SIK3: variants seen among roughly 807,000 people sequenced by gnomAD.
SIK3 encodes the protein serine/threonine-protein kinase SIK3.
A neutral mutation model predicts 144.2 loss-of-function variants in SIK3; 28 were observed. The observed-to-expected ratio is 0.19, with a 90% CI of 0.14 to 0.27. SIK3 has a LOEUF of 0.27. Ranked by LOEUF, SIK3 falls within the 10% of genes least tolerant of loss-of-function variation. The pLI is 1.00. For synonymous variants in SIK3, 686 were observed against 676.3 expected (o/e 1.01, Z -0.22); for missense variants, 1,319 against 1,776.0 (o/e 0.74, Z 4.62).
At chr11:116,917,822 AGAAG>A (rs1489991157) in intron 4 of SIK3, among the ~76,000 whole-genome samples, 21 of 141,884 alleles carry the variant, frequency 1.5e-4, no homozygotes, top group African/African-American at 5.1e-4. Context: ...AGAAGGAAGA[AGAAG>A]GAAGGAAAGG....
At chr11:116,943,182 G>GA (rs34406972) in intron 3 of SIK3, among the ~76,000 whole-genome samples, 245 of 149,410 alleles carry the variant, frequency 1.6e-3, no homozygotes, top group African/African-American at 5.0e-3. Flanking sequence ...ACTTAGAAAT[G>GA]AAAAAAAAAA....
At chr11:116,944,714 G>A (rs1187585706) in intron 3 of SIK3, among the ~76,000 whole-genome samples, 3 of 152,194 alleles carry the variant, frequency 2.0e-5, no homozygotes, top group African/African-American at 7.2e-5. Context: ...CAAACCGGGA[G>A]TATATTAGCT....
rs11216163 is a variant in SIK3, at chr11:116,858,027, G to C, written c.3438C>G (p.Asp1146Glu). ...ALMHSESMEE[D>E]CSCEGAKDGF... ...CATCCTTGGCCCCCTCACACGAGCA[G>C]TCCTCCTCCATGCTCTCTGAATGCA... Residue 1146 changes from aspartate (D) to glutamate (E), a missense_variant, in exon 21 of 25, where the codon GAC (aspartate) becomes GAG (glutamate). Physicochemically the swap from Asp to Glu is conservative, Grantham distance 45. This residue lies in a region of SIK3 where 646 missense variants were observed against 763.7 expected (regional missense o/e 0.85). Coordinates refer to ENST00000445177, the MANE Select transcript of SIK3 (RefSeq NM_001366686.3). The surrounding 1 kb of genome is among the most constrained non-coding windows in gnomAD (Gnocchi z 5.4). The C allele has an allele frequency of 3.2e-4, 524 of 1,613,982 alleles. 6 individuals carry two copies. In the East Asian group the frequency reaches 1.0e-2, roughly 31 times the overall value.
At chr11:116,870,077 A>C (rs1467636728) in intron 14 of SIK3, 8 of 1,450,578 alleles carry the variant, frequency 5.5e-6, no homozygotes, top group African/African-American at 1.4e-5. Context: ...AGGAAGAAGG[A>C]GGGAGGAAAG....
At chr11:117,033,528 C>T (rs1476450591) in intron 1 of SIK3, among the ~76,000 whole-genome samples, 2 of 151,700 alleles carry the variant, frequency 1.3e-5, no homozygotes, top group South Asian at 4.2e-4. Context: ...AGTGAAACCT[C>T]GTCTCTACTA....
intron 1 of SIK3, chr11:117,016,096 C>T (rs1229675973): frequency 6.6e-6 from 1 of 151,882 alleles, no homozygotes; most frequent in Non-Finnish European, 1.5e-5. Context: ...GAGGCCAAGG[C>T]AGATAGATCA....
At chr11:116,917,049 G>T (rs1363056599) in intron 4 of SIK3, among the ~76,000 whole-genome samples, 2 of 151,912 alleles carry the variant, frequency 1.3e-5, no homozygotes, top group African/African-American at 4.8e-5. Flanking sequence ...CAACCTCTGC[G>T]GCTCAAGCGA....
rs146625540 is a variant in SIK3 at position 117,006,668 on chromosome 11, A to G, written c.274-49604T>C. On this transcript the variant is annotated intron_variant, in intron 1 of 24. Transcript: ENST00000445177. ...AAAAAAGAAAGAAAGAAAGAAAAAAAAGATCTTCACAAACAATTTTAAATG... is the reference window on the plus strand; with the variant it reads ...AAAAAAGAAAGAAAGAAAGAAAAAAGAGATCTTCACAAACAATTTTAAATG... Among the ~76,000 whole-genome samples the G allele has an allele frequency of 3.5e-4, 54 of 152,194 alleles. 1 individual carries two copies. Among genetic ancestry groups the G allele is most frequent in the African/African-American group, 1.3e-3 (53 of 41,530 alleles).
chr11:116,947,531 A>ATATGTATGTATGTATGTATG (rs748760831), intron 3 of SIK3, among the ~76,000 whole-genome samples: 2 of 125,022 alleles, frequency 1.6e-5, no homozygotes, highest in African/African-American at 6.0e-5. Context: ...ATATATATAT[A>ATATGTATGTATGTATGTATG]TATGTATGTA....
At chr11:117,068,591 T>C (rs914187971) in intron 1 of SIK3, among the ~76,000 whole-genome samples, 13 of 152,060 alleles carry the variant, frequency 8.5e-5, no homozygotes, top group African/African-American at 3.1e-4. Context: ...TCTAAAGTAA[T>C]ACAAAAATTA....
At chr11:117,081,616 T>G (rs74459720) in intron 1 of SIK3, among the ~76,000 whole-genome samples, 1 of 152,166 alleles carries the variant, frequency 6.6e-6, no homozygotes, top group East Asian at 1.9e-4. Context: ...AGAGCGAGAC[T>G]CCGTCTCAAA....
chr11:117,098,279 C>CCGGCCGCAGGGGACA lies in SIK3; in HGVS notation c.122_136dup (p.Val41_Ala45dup). 1 of 1,346,682 alleles carries CCGGCCGCAGGGGACA rather than the reference C, an allele frequency of 7.4e-7. No individual in the cohort carries two copies. The highest frequency in any genetic ancestry group is 9.6e-7 in the Non-Finnish European group (1 of 1,039,130). 83.4% of individuals were successfully genotyped at this position (1,346,682 alleles called of 1,614,324 possible). A position where few individuals can be genotyped will look rare whatever the true frequency, so the allele number is the denominator to read the frequency against. On this transcript the variant is annotated inframe_insertion, in exon 1 of 25. Transcript: ENST00000445177. ...GGCCGGGGCTGGGGGACGCGGCTGG[C>CCGGCCGCAGGGGACA]CGGCCGCAGGGGACACGGCAGCGGG...
chr11:116,863,780 G>A lies in SIK3; in HGVS notation c.1991C>T (p.Thr664Met), dbSNP rs138061274. The change falls in exon 16 of 25, where the codon ACG (threonine) becomes ATG (methionine). Residue 664 changes from threonine to methionine, a missense_variant. Physicochemically the swap from Thr to Met is moderately conservative, Grantham distance 81. Transcript: ENST00000445177. ...CCGGCGCACAGGGGAGAAACGCTCC[G>A]TAGGGAGGTGCAGAGTGTTGGAGTC... ...YKDSNTLHLP[T>M]ERFSPVRRFS... The A allele has an allele frequency of 7.1e-5, 114 of 1,613,878 alleles. No homozygotes were observed. In the African/African-American group the frequency reaches 1.0e-3, roughly 15 times the overall value.
At chr11:116,958,458 C>G (rs1001399731) in intron 1 of SIK3, among the ~76,000 whole-genome samples, 1 of 152,102 alleles carries the variant, frequency 6.6e-6, no homozygotes, top group Non-Finnish European at 1.5e-5. Context: ...GTGGCTGGAG[C>G]TACAAGGATT....
At chr11:116,940,495 T>G (rs1948229882) in intron 3 of SIK3, among the ~76,000 whole-genome samples, 1 of 152,106 alleles carries the variant, frequency 6.6e-6, no homozygotes, top group Non-Finnish European at 1.5e-5. Flanking sequence ...CCTCCCAAAG[T>G]GCTGGGATTA....
chr11:117,065,063 T>G (rs1387355405), intron 1 of SIK3, among the ~76,000 whole-genome samples: 1 of 151,930 alleles, frequency 6.6e-6, no homozygotes, highest in East Asian at 1.9e-4. Context: ...GCAGAAGAAC[T>G]GCTTGAACCC....
intron 1 of SIK3, among the ~76,000 whole-genome samples, chr11:117,081,025 T>C (rs1020576577): frequency 6.6e-6 from 1 of 151,990 alleles, no homozygotes; most frequent in African/African-American, 2.4e-5. Flanking sequence ...ATCCATAAAA[T>C]AGAATACTCT....
rs762560774 is a variant in SIK3, at chr11:116,875,212, G to C, written c.1373C>G (p.Ala458Gly). The change falls in exon 11 of 25, where the codon GCA (alanine) becomes GGA (glycine). Residue 458 changes from alanine (A) to glycine (G), a missense_variant. Physicochemically the swap from Ala to Gly is moderately conservative, Grantham distance 60 (BLOSUM62 0). Coordinates refer to ENST00000445177, the MANE Select transcript of SIK3 (RefSeq NM_001366686.3). Reference sequence around the variant, plus strand: ...CCTCATTGACAAATAGCGCACCAATGCTTCAGGGGAAGGCTCTTCACCCTC... The same window carrying C: ...CCTCATTGACAAATAGCGCACCAATCCTTCAGGGGAAGGCTCTTCACCCTC... ...SDEGEEPSPE[A>G]LVRYLSMRRH... The C allele has an allele frequency of 6.2e-7, 1 of 1,614,182 alleles. No individual in the cohort carries two copies. Among genetic ancestry groups the C allele is most frequent in the Non-Finnish European group, 8.5e-7 (1 of 1,180,022 alleles).
chr11:116,929,087 C>A (rs543467309), intron 3 of SIK3, among the ~76,000 whole-genome samples: 4 of 152,154 alleles, frequency 2.6e-5, no homozygotes, highest in African/African-American at 9.7e-5. Flanking sequence ...GAAGTCCAAA[C>A]TAGGGAGAGT....
Sources: gnomAD v4.1 joint callset for allele counts (sites outside exome capture counted in the v4.1 genomes callset) on GRCh38, gnomAD v4.1.1 for gene constraint, gnomAD v4.1.1 regional missense constraint, Gnocchi (gnomAD v3.1) non-coding constraint, MANE v1.5 for transcripts, NCBI Gene and HGNC (gene_info 2026-07-23, HGNC 2026-07-21) for gene names.